Variants in IGF2BP3 observed in about 807,000 individuals in gnomAD.
IGF2BP3 encodes insulin like growth factor 2 mRNA binding protein 3.
Under a neutral mutation model 73.8 loss-of-function variants are expected in IGF2BP3, and 9 were observed. That is an observed-to-expected ratio of 0.12 (90% confidence interval 0.07 to 0.21). The LOEUF (loss-of-function observed/expected upper bound fraction) is 0.21, where lower values mean the gene tolerates loss of function less well. IGF2BP3 is among the 10% of genes least tolerant of loss of function. The pLI is 1.00. For missense variants in IGF2BP3, 542 were observed against 714.0 expected, an observed-to-expected ratio of 0.76 and a Z score of 2.75; for synonymous variants, 258 against 256.7, an observed-to-expected ratio of 1.01 and a Z score of -0.05.
rs372566006 is a variant in IGF2BP3, at chr7:23,445,071, T to TAAATA, written c.236+23406_236+23410dup. On this transcript the variant is annotated intron_variant, in intron 2 of 14. Transcript: ENST00000258729. ...AGACCCTGTCTCTAAAAAACAACAA[T>TAAATA]AAATAAAACAAAACAGTAAGGTATG... 7.1e-4 allele frequency among the ~76,000 whole-genome samples: 108 copies of TAAATA among 152,102 alleles called. No individual in the cohort carries two copies. In the East Asian group the frequency reaches 0.017, roughly 25 times the overall value.
rs114367022 is a variant in IGF2BP3 at position 23,425,790 on chromosome 7, C to T, written c.237-6966G>A. Among the ~76,000 whole-genome samples, 849 of 152,094 alleles carry T rather than the reference C, an allele frequency of 5.6e-3. 12 individuals carry two copies. The highest frequency in any genetic ancestry group is 0.019 in the African/African-American group (805 of 41,498). On this transcript the variant is annotated intron_variant, in intron 2 of 14. Coordinates refer to ENST00000258729, the MANE Select transcript of IGF2BP3 (RefSeq NM_006547.3). ...TTTATTCTCATGCTTTGATTTACAA[C>T]AGTTATCTGCTAAAACTGACTTTTT...
intron 2 of IGF2BP3, among the ~76,000 whole-genome samples, chr7:23,449,055 T>C (rs1470714085): frequency 6.6e-6 from 1 of 152,186 alleles, no homozygotes; most frequent in Non-Finnish European, 1.5e-5. Context: ...ACTTAGATTT[T>C]TCTTCTTTTT....
chr7:23,326,630 C>G (rs897703330), intron 10 of IGF2BP3, among the ~76,000 whole-genome samples: 2 of 150,454 alleles, frequency 1.3e-5, no homozygotes, highest in African/African-American at 4.9e-5. Context: ...ATGTTTATTG[C>G]GGCATTATTC....
intron 2 of IGF2BP3, among the ~76,000 whole-genome samples, chr7:23,445,874 C>T (rs1788053404): frequency 6.6e-6 from 1 of 152,156 alleles, no homozygotes; most frequent in Non-Finnish European, 1.5e-5. Context: ...GACCTTATTT[C>T]CACTAGTTGT....
chr7:23,342,953 G>A (rs1007592876), intron 9 of IGF2BP3, among the ~76,000 whole-genome samples: 7 of 152,118 alleles, frequency 4.6e-5, no homozygotes, highest in African/African-American at 9.7e-5. Context: ...TCTCACAAAC[G>A]CAGTATTTGC....
intron 2 of IGF2BP3, among the ~76,000 whole-genome samples, chr7:23,436,961 CA>C (rs1223536363): frequency 6.6e-6 from 1 of 151,672 alleles, no homozygotes; most frequent in Non-Finnish European, 1.5e-5. Flanking sequence ...ACTAAAAATA[CA>C]AAAATTAGCC....
intron 10 of IGF2BP3, among the ~76,000 whole-genome samples, chr7:23,339,250 T>C (rs753776271): frequency 7.9e-5 from 12 of 152,246 alleles, no homozygotes; most frequent in African/African-American, 1.4e-4. Context: ...TTTATTTAAG[T>C]AAACATCACC....
At chr7:23,382,758 G>T (rs1430157749) in intron 3 of IGF2BP3, among the ~76,000 whole-genome samples, 1 of 151,982 alleles carries the variant, frequency 6.6e-6, no homozygotes, top group African/African-American at 2.4e-5. Context: ...GCAAGGCTGG[G>T]TGTGGTAGCT....
chr7:23,414,954 A>G (rs274018), intron 3 of IGF2BP3: 129,730 of 175,108 alleles, frequency 0.74, 49,379 homozygotes, highest in African/African-American at 0.94. Flanking sequence ...CACTGCATCC[A>G]TAGGTCCCCA....
chr7:23,320,773 C>T (rs538312170), intron 10 of IGF2BP3, among the ~76,000 whole-genome samples: 77 of 150,882 alleles, frequency 5.1e-4, no homozygotes, highest in Non-Finnish European at 8.7e-4. Flanking sequence ...CATGGCAAAA[C>T]CCCATCTCTT....
intron 3 of IGF2BP3, among the ~76,000 whole-genome samples, chr7:23,403,372 T>C (rs1583998128): frequency 1.3e-5 from 2 of 152,328 alleles, no homozygotes; most frequent in Admixed American, 1.3e-4. Flanking sequence ...TACTAAATTT[T>C]TTTGTATAAA....
chr7:23,364,370 T>A (rs1277644141), intron 3 of IGF2BP3, among the ~76,000 whole-genome samples: 2 of 147,180 alleles, frequency 1.4e-5, no homozygotes, highest in Admixed American at 1.4e-4. Flanking sequence ...CAAGACTCCA[T>A]CTAAAAAAAA....
At chr7:23,333,242 TG>T (rs1225302708) in intron 10 of IGF2BP3, among the ~76,000 whole-genome samples, 1 of 152,234 alleles carries the variant, frequency 6.6e-6, no homozygotes, top group African/African-American at 2.4e-5. Flanking sequence ...AAAAGTTAGT[TG>T]CATGATTTCC....
At chr7:23,436,003 T>C (rs6461710) in intron 2 of IGF2BP3, among the ~76,000 whole-genome samples, 149,567 of 152,304 alleles carry the variant, frequency 0.98, 73,460 homozygotes, top group Middle Eastern at 1. Context: ...GTGATCCACC[T>C]GCCTCGGCCT....
chr7:23,434,922 T>C (rs1787772824), intron 2 of IGF2BP3, among the ~76,000 whole-genome samples: 1 of 152,152 alleles, frequency 6.6e-6, no homozygotes, highest in African/African-American at 2.4e-5. Context: ...CATCATTTCC[T>C]TGAATGAATA....
chr7:23,422,857 G>A (rs939603271), intron 2 of IGF2BP3, among the ~76,000 whole-genome samples: 12 of 152,186 alleles, frequency 7.9e-5, no homozygotes, highest in African/African-American at 2.4e-4. Flanking sequence ...GTATAGTAGC[G>A]TAATCTCGGC....
chr7:23,444,679 G>A (rs1788016833), intron 2 of IGF2BP3, among the ~76,000 whole-genome samples: 1 of 150,636 alleles, frequency 6.6e-6, no homozygotes, highest in African/African-American at 2.5e-5. Flanking sequence ...GGAGGTGGAG[G>A]GTGCAGTGGG....
Position 23,342,153 on chromosome 7 carries a change from C to A in IGF2BP3, c.1114G>T (p.Ala372Ser). The change falls in exon 10 of 15, where the codon GCC (alanine) becomes TCC (serine). Residue 372 changes from alanine (A) to serine (S), a missense_variant. Coordinates refer to ENST00000258729, the MANE Select transcript of IGF2BP3 (RefSeq NM_006547.3). ...GAAGTGGGTGGGAACAGACCCAAGGCGTTCAGATTTAATCCAGGAATTAAA... is the reference window on the plus strand; with the variant it reads ...GAAGTGGGTGGGAACAGACCCAAGGAGTTCAGATTTAATCCAGGAATTAAA... ...AHLIPGLNLN[A>S]LGLFPPTSGM... 5 of 1,613,640 alleles carry A rather than the reference C, an allele frequency of 3.1e-6. No homozygotes were observed. Among genetic ancestry groups the A allele is most frequent in the Non-Finnish European group, 4.2e-6 (5 of 1,179,798 alleles).
At chr7:23,421,065 A>AG (rs1313390378) in intron 2 of IGF2BP3, among the ~76,000 whole-genome samples, 1 of 152,206 alleles carries the variant, frequency 6.6e-6, no homozygotes, top group Non-Finnish European at 1.5e-5. Context: ...GCTGGAACTC[A>AG]GTGGCACAAT....
Sources: gnomAD v4.1 joint callset for allele counts (sites outside exome capture counted in the v4.1 genomes callset) on GRCh38, gnomAD v4.1.1 for gene constraint, MANE v1.5 for transcripts, NCBI Gene and HGNC (gene_info 2026-07-23, HGNC 2026-07-21) for gene names.